PARD3B: variants seen among roughly 807,000 people sequenced by gnomAD.
PARD3B encodes the protein par-3 family cell polarity regulator beta, also known as partitioning defective 3 homolog B.
Under a neutral mutation model 130.2 loss-of-function variants are expected in PARD3B, and 103 were observed. The observed-to-expected ratio is 0.79, with a 90% CI of 0.67 to 0.93. The LOEUF is 0.93. Among genes scored for constraint, PARD3B ranks in the 40% least tolerant of loss-of-function variants. The probability of loss-of-function intolerance (pLI) is 0.00; values close to 1 mark genes in which losing one functional copy is unlikely to be tolerated. For synonymous variants in PARD3B, 583 were observed against 553.2 expected, an observed-to-expected ratio of 1.05 and a Z score of -0.76; for missense variants, 1,609 against 1,499.2, an observed-to-expected ratio of 1.07 and a Z score of -1.21.
chr2:204,815,306 T>C (rs1316207862), intron 2 of PARD3B, among the ~76,000 whole-genome samples: 1 of 152,110 alleles, frequency 6.6e-6, no homozygotes, highest in African/African-American at 2.4e-5. Flanking sequence ...TTGTTGAATT[T>C]ATTGGCATAA....
chr2:204,711,606 C>T (rs2038439496), intron 2 of PARD3B, among the ~76,000 whole-genome samples: 1 of 151,908 alleles, frequency 6.6e-6, no homozygotes, highest in Non-Finnish European at 1.5e-5. Context: ...AGCACAGTGG[C>T]ACGATCTTGG....
intron 2 of PARD3B, among the ~76,000 whole-genome samples, chr2:204,874,163 C>CAACAA (rs921081308): frequency 8.5e-5 from 13 of 152,152 alleles, no homozygotes; most frequent in Admixed American, 2.6e-4. Context: ...ACCACCACCA[C>CAACAA]AACAAAACAA....
intron 2 of PARD3B, among the ~76,000 whole-genome samples, chr2:204,749,717 CAT>C (rs932806672): frequency 2.0e-5 from 3 of 152,140 alleles, no homozygotes; most frequent in Admixed American, 6.5e-5. Flanking sequence ...TGGGTAAAAA[CAT>C]GTGGGCTAAC....
chr2:204,990,752 T>C (rs557291340), intron 3 of PARD3B, among the ~76,000 whole-genome samples: 37 of 152,268 alleles, frequency 2.4e-4, no homozygotes, highest in Non-Finnish European at 4.1e-4. Flanking sequence ...AACATTTTTA[T>C]GTTTGAATAT....
intron 2 of PARD3B, among the ~76,000 whole-genome samples, chr2:204,917,875 C>T (rs2047505793): frequency 6.6e-6 from 1 of 151,988 alleles, no homozygotes. Flanking sequence ...TGTAAACTGA[C>T]AATAGTAATA....
intron 1 of PARD3B, among the ~76,000 whole-genome samples, chr2:204,546,723 A>G (rs2029966338): frequency 6.6e-6 from 1 of 152,200 alleles, no homozygotes; most frequent in Non-Finnish European, 1.5e-5. Context: ...TTTTCAGTTT[A>G]ATGTCACAGA....
intron 3 of PARD3B, among the ~76,000 whole-genome samples, chr2:204,991,227 T>G: frequency 4.6e-5 from 3 of 65,862 alleles, no homozygotes; most frequent in Non-Finnish European, 2.9e-5. Flanking sequence ...CCCTCCCCCC[T>G]CCCCCCAACC....
Position 205,263,154 on chromosome 2 carries a change from T to C in PARD3B, c.2185+17332T>C, listed in dbSNP as rs2040380597. Among the ~76,000 whole-genome samples, 1 of 152,126 alleles carries C rather than the reference T, an allele frequency of 6.6e-6. No individual in the cohort carries two copies. Among genetic ancestry groups the C allele is most frequent in the Admixed American group, 6.6e-5 (1 of 15,254 alleles). On this transcript the variant is annotated intron_variant, in intron 16 of 22. Transcript: ENST00000406610. The surrounding 1 kb of genome is among the most constrained non-coding windows in gnomAD (Gnocchi z 4.0). ...ATTCCCTTTTCTAAGCTCATCTGTG[T>C]TCTGAATCTGTACCCAACTATTTAT...
intron 2 of PARD3B, among the ~76,000 whole-genome samples, chr2:204,784,789 C>T (rs1221336742): frequency 6.6e-6 from 1 of 152,152 alleles, no homozygotes; most frequent in Non-Finnish European, 1.5e-5. Flanking sequence ...TTATTTGTTA[C>T]CCACCTTTCC....
intron 14 of PARD3B, among the ~76,000 whole-genome samples, chr2:205,191,390 A>G (rs2036391363): frequency 6.6e-6 from 1 of 152,188 alleles, no homozygotes; most frequent in South Asian, 2.1e-4. Flanking sequence ...ATTTTCCTAC[A>G]GGGGCCACTC....
intron 2 of PARD3B, among the ~76,000 whole-genome samples, chr2:204,836,761 T>C (rs1173117994): frequency 4.6e-5 from 7 of 152,182 alleles, no homozygotes; most frequent in Non-Finnish European, 1.0e-4. Flanking sequence ...TGAGTGTGCA[T>C]GTGGATTTGC....
chr2:205,233,246 C>T (rs1053092826), intron 15 of PARD3B, among the ~76,000 whole-genome samples: 1 of 152,098 alleles, frequency 6.6e-6, no homozygotes, highest in East Asian at 1.9e-4. Context: ...AAGAAAAATA[C>T]TATTCAACTA....
chr2:204,679,379 G>C (rs887110392), intron 1 of PARD3B, among the ~76,000 whole-genome samples: 2 of 152,086 alleles, frequency 1.3e-5, no homozygotes, highest in African/African-American at 4.8e-5. Context: ...CAGCTTTATG[G>C]CATGTTTATG....
In PARD3B at chr2:204,546,121, TGAGCGCGGCGCGGAG is replaced by T. The variant is rs749420603; in HGVS notation, c.120+6_120+20del. Reference sequence around the variant, plus strand: ...CGGTACCTGAAGACCCGGGAGAAGGTGAGCGCGGCGCGGAGGAGTGGGGCGCGGCTGCAGCCAAGG... The same window carrying T: ...CGGTACCTGAAGACCCGGGAGAAGGTGAGTGGGGCGCGGCTGCAGCCAAGG... On this transcript the variant is annotated splice_donor_5th_base_variant and intron_variant, in intron 1 of 22. Transcript: ENST00000406610. 94 of 1,553,736 alleles carry T rather than the reference TGAGCGCGGCGCGGAG, an allele frequency of 6.0e-5. No homozygotes were observed. In the Admixed American group the frequency reaches 1.1e-3, roughly 18 times the overall value.
intron 2 of PARD3B, among the ~76,000 whole-genome samples, chr2:204,737,891 T>C (rs2039829124): frequency 6.6e-6 from 1 of 152,206 alleles, no homozygotes. Context: ...TATTTGGCTT[T>C]ATTTCTGGGT....
intron 3 of PARD3B, among the ~76,000 whole-genome samples, chr2:205,013,660 G>T (rs1695898750): frequency 6.6e-6 from 1 of 152,160 alleles, no homozygotes; most frequent in Non-Finnish European, 1.5e-5. Flanking sequence ...CATAGGAACA[G>T]AAACAAAAGC....
intron 15 of PARD3B, among the ~76,000 whole-genome samples, chr2:205,243,462 C>G (rs2125916572): frequency 6.6e-6 from 1 of 152,242 alleles, no homozygotes; most frequent in African/African-American, 2.4e-5. Context: ...AACAAGGATT[C>G]CAATTCAGAA....
intron 3 of PARD3B, among the ~76,000 whole-genome samples, chr2:205,006,959 TATTTG>T (rs1338881016): frequency 6.6e-6 from 1 of 152,192 alleles, no homozygotes; most frequent in Non-Finnish European, 1.5e-5. Flanking sequence ...TAGATTTAAG[TATTTG>T]ATTCACCTAA....
chr2:205,103,250 AAAACATTTTATATTTATGTAAAAT>A (rs778804779), intron 4 of PARD3B, among the ~76,000 whole-genome samples: 23 of 79,858 alleles, frequency 2.9e-4, no homozygotes, highest in African/African-American at 7.9e-4. Context: ...ATTTATGTAA[AAAACATTTTATATTTATGTAAAAT>A]AAACATATTT....
Sources: gnomAD v4.1 joint callset for allele counts (sites outside exome capture counted in the v4.1 genomes callset) on GRCh38, gnomAD v4.1.1 for gene constraint, Gnocchi (gnomAD v3.1) non-coding constraint, MANE v1.5 for transcripts, NCBI Gene and HGNC (gene_info 2026-07-23, HGNC 2026-07-21) for gene names.